The following PTGES3L variants were observed in gnomAD, a reference collection of about 807,000 sequenced individuals.
The protein encoded by PTGES3L is putative protein PTGES3L.
Under a neutral mutation model 25.0 loss-of-function variants are expected in PTGES3L, and 17 were observed. The observed-to-expected ratio is 0.68, with a 90% confidence interval of 0.47 to 1.02. The LOEUF (loss-of-function observed/expected upper bound fraction) is 1.02, where lower values mean the gene tolerates loss of function less well. Among genes scored for constraint, PTGES3L ranks in the 50% least tolerant of loss-of-function variants. PTGES3L has a pLI of 0.00. For missense variants in PTGES3L, 202 were observed against 197.5 expected, an observed-to-expected ratio of 1.02 and a Z score of -0.14; for synonymous variants, 59 against 65.7, an observed-to-expected ratio of 0.90 and a Z score of 0.50.
chr17:42,974,352 CT>C (rs35981535), intron 4 of PTGES3L, among the ~76,000 whole-genome samples: 1,778 of 145,256 alleles, frequency 0.012, 40 homozygotes, highest in African/African-American at 0.044. Context: ...AAGAGTGGAA[CT>C]CTGTCTCGAA....
At position 42,971,597 on chromosome 17, in the gene PTGES3L, T is replaced by G. The variant is rs769107293; in HGVS notation, c.378+10A>C. On this transcript the variant is annotated intron_variant, in intron 5 of 6. Transcript: ENST00000591916. ...CAAGTGGGCAGAACACAGTAGGTGT[T>G]GTCTCTCACCTCTGCATAATGTTCC... The G allele has an allele frequency of 1.2e-6, 2 of 1,613,442 alleles. No homozygotes were observed. The highest frequency in any genetic ancestry group is 2.7e-5 in the African/African-American group (2 of 74,914).
In PTGES3L at chr17:42,979,621, C is replaced by A. The variant is rs1413382526; in HGVS notation, c.51G>T (p.Val17=). ...RTLWYDRPRY[V]FMEFCVEDST... ...TGTCCTCAACACAAAACTCCATGAA[C>A]ACATACCTGGGCCTGTCGTACCACA... Residue 17 remains valine (V), a synonymous_variant, in exon 2 of 7, where the codon GTG becomes GTT. Coordinates refer to ENST00000591916, the MANE Select transcript of PTGES3L (RefSeq NM_001261430.2). 6.2e-7 allele frequency: 1 copy of A among 1,614,168 alleles called. No individual in the cohort carries two copies. Among genetic ancestry groups the A allele is most frequent in the Non-Finnish European group, 8.5e-7 (1 of 1,180,038 alleles).
chr17:42,971,425 C>T (rs967758871), intron 5 of PTGES3L, among the ~76,000 whole-genome samples, 182 bp downstream of exon 5: 1 of 152,128 alleles, frequency 6.6e-6, no homozygotes, highest in Non-Finnish European at 1.5e-5. Flanking sequence ...ATATTCTTTC[C>T]TCTCATCCCT....
chr17:42,971,811 T>C (rs1410246222), intron 4 of PTGES3L, 115 bp from the exon 5 acceptor site: 2 of 928,708 alleles, frequency 2.2e-6, no homozygotes, highest in Non-Finnish European at 3.3e-6. Flanking sequence ...AGTAGGTCCC[T>C]AGTCCTCCCA....
Position 42,980,057 on chromosome 17 carries a change from G to A in PTGES3L, c.-4C>T. On this transcript the variant is annotated 5_prime_UTR_variant, in exon 1 of 7. Coordinates refer to ENST00000591916, the MANE Select transcript of PTGES3L (RefSeq NM_001261430.2). ...CCGGAAACACTCACCGTGCCATTGC[G>A]GCTCCCGCTCCAGGGTGGCATTTAG... is the stretch of plus-strand genomic sequence containing the variant. The A allele has an allele frequency of 6.4e-7, 1 of 1,550,978 alleles. No individual in the cohort carries two copies.
intron 4 of PTGES3L, among the ~76,000 whole-genome samples, chr17:42,976,474 G>T (rs1406441561): frequency 6.6e-6 from 1 of 152,098 alleles, no homozygotes; most frequent in Admixed American, 6.6e-5. Context: ...CACTTCCCAG[G>T]TTCAAGCGAT....
At position 42,979,431 on chromosome 17, in the gene PTGES3L, C is replaced by G. The variant is rs147796875; in HGVS notation, c.136G>C (p.Asp46His). Residue 46 changes from aspartate to histidine, a missense_variant, in exon 3 of 7, where the codon GAT becomes CAT. Transcript: ENST00000591916. ...HRIVFSCKNADGVELYNEIEF... is the reference protein window; with the variant it reads ...HRIVFSCKNAHGVELYNEIEF... ...ATCTCATTGTACAACTCCACTCCAT[C>G]GGCATTCTTGCAGCTGAGGAGACAA... is the stretch of plus-strand genomic sequence containing the variant. 1 of 1,614,166 alleles carries G rather than the reference C, an allele frequency of 6.2e-7. No homozygotes were observed. The highest frequency in any genetic ancestry group is 1.7e-5 in the Admixed American group (1 of 60,008).
chr17:42,972,628 A>G (rs1024985906), intron 4 of PTGES3L, among the ~76,000 whole-genome samples: 3 of 152,004 alleles, frequency 2.0e-5, no homozygotes, highest in African/African-American at 4.8e-5. Flanking sequence ...TCAGTGCTCA[A>G]TGGTGCCCAG....
At chr17:42,979,823 G>GGT in intron 1 of PTGES3L, 160 bp from the exon 2 acceptor site, 1 of 1,407,790 alleles carries the variant, frequency 7.1e-7, no homozygotes, top group Non-Finnish European at 9.5e-7. Flanking sequence ...GGAGTGGGTG[G>GGT]GTGTGGTGAA....
In PTGES3L at chr17:42,979,394, G is replaced by T. The variant is rs202234849; in HGVS notation, c.173C>A (p.Ala58Asp). 19 of 1,614,096 alleles carry T rather than the reference G, an allele frequency of 1.2e-5. No homozygotes were observed. In the East Asian group the frequency reaches 4.2e-4, roughly 36 times the overall value. The change falls in exon 3 of 7, where the codon GCC becomes GAC. Residue 58 changes from alanine to aspartate, a missense_variant. By Grantham distance (126) the Ala-to-Asp change is moderately radical. Coordinates refer to ENST00000591916, the MANE Select transcript of PTGES3L (RefSeq NM_001261430.2). ...VELYNEIEFY[A>D]KVNSKDSQDK... Reference sequence around the variant, plus strand: ...CACCCTTACCTTGGAGTTCACTTTGGCATAGAACTCAATCTCATTGTACAA... The same window carrying T: ...CACCCTTACCTTGGAGTTCACTTTGTCATAGAACTCAATCTCATTGTACAA...
At position 42,968,805 on chromosome 17, in the gene PTGES3L, T is replaced by G. The variant is rs1354190248; in HGVS notation, c.*343A>C. On this transcript the variant is annotated 3_prime_UTR_variant, in exon 7 of 7. Transcript: ENST00000591916. ...CCCATATGCACACATAGTAGAGATT[T>G]CTATAATCTGCATTCTTCTTTGGCT... 4.1e-6 allele frequency: 1 copy of G among 244,260 alleles called. No homozygotes were observed. Among genetic ancestry groups the G allele is most frequent in the Non-Finnish European group, 7.8e-6 (1 of 127,966 alleles). 15.1% of individuals were successfully genotyped at this position (244,260 alleles called of 1,614,324 possible). A position where few individuals can be genotyped will look rare whatever the true frequency, so the allele number is the denominator to read the frequency against.
Position 42,979,566 on chromosome 17 carries a change from G to C in PTGES3L, c.106C>G (p.His36Asp). 6.2e-7 allele frequency: 1 copy of C among 1,614,146 alleles called. No individual in the cohort carries two copies. Among genetic ancestry groups the C allele is most frequent in the Non-Finnish European group, 8.5e-7 (1 of 1,180,000 alleles). ...STDVHVLIED[H>D]RIVFSCKNAD... ...GGCCACTACCTGAACACAATGCGGT[G>C]ATCCTCAATAAGCACGTGGACATCG... Residue 36 changes from histidine (H) to aspartate (D), a missense_variant, in exon 2 of 7, where the codon CAC becomes GAC. His to Asp is a moderately conservative substitution (Grantham distance 81). Coordinates refer to ENST00000591916, the MANE Select transcript of PTGES3L (RefSeq NM_001261430.2).
chr17:42,979,825 T>C (rs905449703), intron 1 of PTGES3L, 162 bp from the exon 2 acceptor site: 1 of 1,406,752 alleles, frequency 7.1e-7, no homozygotes, highest in African/African-American at 1.4e-5. Context: ...AGTGGGTGGG[T>C]GTGGTGAATG....
intron 5 of PTGES3L, among the ~76,000 whole-genome samples, chr17:42,971,294 A>G (rs569261923): frequency 6.6e-6 from 1 of 151,960 alleles, no homozygotes; most frequent in African/African-American, 2.4e-5. Context: ...CCACACACAC[A>G]CACACACACA....
At chr17:42,979,291 CTTAGGGTCTGGGGT>C (rs779484194) in intron 3 of PTGES3L, 23 bp from the exon 4 acceptor site, 31 of 1,614,136 alleles carry the variant, frequency 1.9e-5, no homozygotes, top group Non-Finnish European at 2.6e-5. Flanking sequence ...GAGCCTCATT[CTTAGGGTCTGGGGT>C]TTAGAATTAA....
chr17:42,970,670 A>ACG (rs2049816480), intron 5 of PTGES3L, among the ~76,000 whole-genome samples: 1 of 100,772 alleles, frequency 9.9e-6, no homozygotes, highest in Non-Finnish European at 1.9e-5. Context: ...GTCTGGCTTA[A>ACG]CACGCGCACA....
At chr17:42,979,486 G>GT in intron 2 of PTGES3L, 42 bp from the exon 3 acceptor site, 1 of 1,614,184 alleles carries the variant, frequency 6.2e-7, no homozygotes, top group Non-Finnish European at 8.5e-7. Flanking sequence ...AATACTCCGT[G>GT]TGGGGACATT....
At chr17:42,969,401 C>CTTT (rs67136149) in intron 6 of PTGES3L, among the ~76,000 whole-genome samples, 3 of 73,010 alleles carry the variant, frequency 4.1e-5, no homozygotes, top group African/African-American at 1.6e-4. Context: ...AGTTTCAGGA[C>CTTT]TTTTTTTTTT....
In PTGES3L at chr17:42,979,537, G is replaced by A. The variant is rs576612273; in HGVS notation, c.122+13C>T. 7 of 1,614,126 alleles carry A rather than the reference G, an allele frequency of 4.3e-6. No individual in the cohort carries two copies. In the African/African-American group the frequency reaches 5.3e-5, roughly 12 times the overall value. On this transcript the variant is annotated intron_variant, in intron 2 of 6. Transcript: ENST00000591916. The stretch of plus-strand genomic sequence containing the variant: ...TCCTGGGAAGCCAGGCCCTCGGACG[G>A]CAGGGCCACTACCTGAACACAATGC...
Sources: gnomAD v4.1 joint callset for allele counts (sites outside exome capture counted in the v4.1 genomes callset) on GRCh38, gnomAD v4.1.1 for gene constraint, MANE v1.5 for transcripts, NCBI Gene and HGNC (gene_info 2026-07-23, HGNC 2026-07-21) for gene names.